The following NBEA variants were observed in gnomAD, a reference collection of about 807,000 sequenced individuals.
NBEA encodes the protein neurobeachin, also known as lysosomal-trafficking regulator 2.
In NBEA, 44 loss-of-function variants were observed where a neutral mutation model predicts 343.4. The ratio of observed to expected loss-of-function variants is 0.13; its 90% CI spans 0.10 to 0.16. The LOEUF (loss-of-function observed/expected upper bound fraction) is 0.16. Ranked by LOEUF, NBEA falls within the 10% of genes least tolerant of loss-of-function variation. The pLI is 1.00. For synonymous variants in NBEA, 1,175 were observed against 1,238.7 expected (o/e 0.95, Z 1.08); for missense variants, 2,555 against 3,631.3 (o/e 0.70, Z 7.62).
At chr13:35,069,565 T>G (rs997966492) in intron 8 of NBEA, among the ~76,000 whole-genome samples, 3 of 152,166 alleles carry the variant, frequency 2.0e-5, no homozygotes, top group Non-Finnish European at 2.9e-5. Flanking sequence ...AAATACTTTT[T>G]AAAGTGTTAA....
chr13:35,171,145 ATTTAT>A (rs767770412), intron 25 of NBEA, 122 bp from the exon 26 acceptor site: 1 of 900,944 alleles, frequency 1.1e-6, no homozygotes. Context: ...TTAGTTGAAC[ATTTAT>A]TTTATTTATA....
At chr13:34,978,005 C>T (rs1215843882) in intron 1 of NBEA, among the ~76,000 whole-genome samples, 2 of 152,098 alleles carry the variant, frequency 1.3e-5, no homozygotes, top group African/African-American at 2.4e-5. Flanking sequence ...ATGGGTCTCA[C>T]TGTGTGGCCC....
intron 47 of NBEA, among the ~76,000 whole-genome samples, chr13:35,604,720 C>T (rs2082210386): frequency 6.6e-6 from 1 of 152,108 alleles, no homozygotes. Flanking sequence ...ACCATCTCAT[C>T]CCTCCCTTGT....
intron 9 of NBEA, 34 bp downstream of exon 9, chr13:35,070,139 G>T (rs760027861): frequency 5.5e-6 from 8 of 1,443,086 alleles, no homozygotes; most frequent in Middle Eastern, 2.6e-4. Flanking sequence ...TCATGTTCTT[G>T]TCAGAATTTG....
chr13:35,464,083 A>G (rs2152953852), intron 40 of NBEA, among the ~76,000 whole-genome samples: 1 of 152,300 alleles, frequency 6.6e-6, no homozygotes, highest in East Asian at 1.9e-4. Context: ...CATTTATTAT[A>G]TAATCAGGAT....
chr13:35,193,065 TTTG>T (rs1413147238), intron 30 of NBEA, among the ~76,000 whole-genome samples: 2 of 151,870 alleles, frequency 1.3e-5, no homozygotes, highest in South Asian at 2.1e-4. Flanking sequence ...CTGTTTTGTT[TTTG>T]TTGTTGTTAA....
At chr13:35,335,969 G>A (rs932482909) in intron 36 of NBEA, among the ~76,000 whole-genome samples, 1 of 152,064 alleles carries the variant, frequency 6.6e-6, no homozygotes, top group Non-Finnish European at 1.5e-5. Flanking sequence ...AAATGCTAAG[G>A]TACAGTTGAA....
intron 31 of NBEA, among the ~76,000 whole-genome samples, chr13:35,199,603 T>C (rs868160763): frequency 5.9e-5 from 9 of 152,152 alleles, no homozygotes; most frequent in South Asian, 2.1e-4. Context: ...GATTTCCTTA[T>C]ACTTATCCTG....
chr13:35,530,456 A>G (rs2078205643), intron 41 of NBEA, among the ~76,000 whole-genome samples: 1 of 152,072 alleles, frequency 6.6e-6, no homozygotes, highest in Non-Finnish European at 1.5e-5. Flanking sequence ...ATAAATAAAT[A>G]AAAAGTCTGT....
intron 41 of NBEA, among the ~76,000 whole-genome samples, chr13:35,537,040 G>A (rs1003549085): frequency 2.0e-5 from 3 of 152,178 alleles, no homozygotes; most frequent in Admixed American, 6.5e-5. Context: ...GGGGCAGGGG[G>A]ATAGGGTTGG....
intron 39 of NBEA, among the ~76,000 whole-genome samples, chr13:35,445,797 T>TATATATATATAC (rs1555267144): frequency 4.8e-5 from 4 of 83,450 alleles, no homozygotes; most frequent in African/African-American, 2.2e-4. Context: ...TATATATATA[T>TATATATATATAC]ATATATATAT....
chr13:35,268,394 A>G (rs1193056110), intron 34 of NBEA, among the ~76,000 whole-genome samples: 1 of 151,998 alleles, frequency 6.6e-6, no homozygotes, highest in Non-Finnish European at 1.5e-5. Context: ...GTAAAGTTTC[A>G]GTTTTACAAA....
At chr13:35,521,034 T>C (rs1399591795) in intron 41 of NBEA, among the ~76,000 whole-genome samples, 2 of 152,116 alleles carry the variant, frequency 1.3e-5, no homozygotes, top group Non-Finnish European at 2.9e-5. Flanking sequence ...AAATTTCTGC[T>C]CTCATTTTCC....
intron 41 of NBEA, among the ~76,000 whole-genome samples, chr13:35,542,142 A>G (rs977830581): frequency 1.4e-4 from 14 of 99,844 alleles, no homozygotes; most frequent in African/African-American, 4.7e-4. Context: ...CAATTGTAGG[A>G]TGTTTTGACA....
intron 48 of NBEA, among the ~76,000 whole-genome samples, chr13:35,617,231 A>T (rs1445635989): frequency 2.0e-5 from 3 of 152,240 alleles, no homozygotes; most frequent in Non-Finnish European, 4.4e-5. Flanking sequence ...CTGTTATTTC[A>T]TCATAGGAAT....
At chr13:35,565,490 G>A (rs1441893856) in intron 44 of NBEA, among the ~76,000 whole-genome samples, 1 of 151,950 alleles carries the variant, frequency 6.6e-6, no homozygotes, top group African/African-American at 2.4e-5. Flanking sequence ...ATGCTACTGT[G>A]ATAGTACATG....
In NBEA at chr13:34,950,052, C is replaced by T. The variant is rs140723285; in HGVS notation, c.294+6938C>T. On this transcript the variant is annotated intron_variant, in intron 1 of 58. Transcript: ENST00000379939. ...CCATTCTTTCTGCTGTTAACATTCT[C>T]GATTTTTTGATACTCTTTTAGGGAG... Among the ~76,000 whole-genome samples the T allele has an allele frequency of 2.1e-3, 315 of 152,208 alleles. 2 individuals carry two copies. The highest frequency in any genetic ancestry group is 6.8e-3 in the Middle Eastern group (2 of 294).
chr13:35,037,442 A>G (rs141774972), intron 1 of NBEA, among the ~76,000 whole-genome samples: 172 of 152,142 alleles, frequency 1.1e-3, no homozygotes, highest in Non-Finnish European at 1.7e-3. Context: ...GTTTTTCTGG[A>G]TAGTGTTAAT....
intron 49 of NBEA, among the ~76,000 whole-genome samples, chr13:35,640,616 T>C (rs111288365): frequency 0.011 from 1,633 of 152,240 alleles, 24 homozygotes; most frequent in African/African-American, 0.037. Flanking sequence ...TCCTGCAGAA[T>C]TGTATAAAGG....
Sources: gnomAD v4.1 joint callset for allele counts (sites outside exome capture counted in the v4.1 genomes callset) on GRCh38, gnomAD v4.1.1 for gene constraint, MANE v1.5 for transcripts, NCBI Gene and HGNC (gene_info 2026-07-23, HGNC 2026-07-21) for gene names.